HNF4G: variants seen among roughly 807,000 people sequenced by gnomAD.
HNF4G encodes hepatocyte nuclear factor 4-gamma.
HNF4G carries 21 observed loss-of-function variants against 50.9 expected under a neutral mutation model. The observed-to-expected ratio is 0.41, with a 90% CI of 0.29 to 0.59. HNF4G has a LOEUF of 0.59. Ranked by LOEUF, HNF4G falls within the 20% of genes least tolerant of loss-of-function variation. The pLI, the probability that HNF4G is intolerant of heterozygous loss-of-function variation, is 0.26. For synonymous variants in HNF4G, 198 were observed against 185.6 expected, an observed-to-expected ratio of 1.07 and a Z score of -0.54; for missense variants, 527 against 559.4, an observed-to-expected ratio of 0.94 and a Z score of 0.58.
intron 1 of HNF4G, among the ~76,000 whole-genome samples, chr8:75,475,085 T>G (rs1812211708): frequency 6.6e-6 from 1 of 150,798 alleles, no homozygotes; most frequent in African/African-American, 2.4e-5. Flanking sequence ...CTCGGCTCAG[T>G]GCCAACCTCT....
intron 1 of HNF4G, among the ~76,000 whole-genome samples, chr8:75,422,391 C>G (rs1179740847): frequency 6.6e-6 from 1 of 152,156 alleles, no homozygotes; most frequent in Admixed American, 6.5e-5. Flanking sequence ...AGTGCTTGTT[C>G]AGCTACTGTT....
intron 2 of HNF4G, among the ~76,000 whole-genome samples, chr8:75,516,635 C>G (rs1376597317): frequency 1.3e-5 from 2 of 152,054 alleles, no homozygotes; most frequent in Admixed American, 1.3e-4. Flanking sequence ...GTTTCTCGTT[C>G]TATCAGTTAC....
chr8:75,528,885 C>T (rs78577108), intron 2 of HNF4G, among the ~76,000 whole-genome samples: 2,393 of 152,208 alleles, frequency 0.016, 28 homozygotes, highest in Middle Eastern at 0.034. Flanking sequence ...TGACACAGTT[C>T]CGCGTGGCTG....
intron 1 of HNF4G, among the ~76,000 whole-genome samples, chr8:75,423,537 C>T (rs1285681676): frequency 6.6e-6 from 1 of 151,270 alleles, no homozygotes; most frequent in Non-Finnish European, 1.5e-5. Context: ...TACAGGCACC[C>T]GCCACTACGC....
chr8:75,539,379 A>C (rs1227950506), upstream of HNF4G, among the ~76,000 whole-genome samples: 1 of 152,202 alleles, frequency 6.6e-6, no homozygotes, highest in Non-Finnish European at 1.5e-5. Context: ...AGGATATGTC[A>C]TAACTCCCCA....
intron 2 of HNF4G, among the ~76,000 whole-genome samples, chr8:75,523,935 G>A (rs568478602): frequency 1.3e-5 from 2 of 151,768 alleles, no homozygotes; most frequent in African/African-American, 4.8e-5. Flanking sequence ...TTTACTAGAA[G>A]ACACCTTATA....
intron 2 of HNF4G, among the ~76,000 whole-genome samples, chr8:75,523,232 GA>G (rs931947246): frequency 1.3e-5 from 2 of 151,034 alleles, no homozygotes; most frequent in African/African-American, 4.9e-5. Context: ...TGAAAAAAAA[GA>G]AAAAAAAGAA....
intron 1 of HNF4G, among the ~76,000 whole-genome samples, chr8:75,474,604 G>A (rs1240990023): frequency 6.6e-6 from 1 of 151,998 alleles, no homozygotes; most frequent in Non-Finnish European, 1.5e-5. Context: ...TTTTCCTTTT[G>A]GTTGGAGTTT....
At chr8:75,529,122 T>TA (rs1273849282) in intron 2 of HNF4G, among the ~76,000 whole-genome samples, 1 of 135,962 alleles carries the variant, frequency 7.4e-6, no homozygotes, top group Non-Finnish European at 1.6e-5. Flanking sequence ...CCGTCTTTAC[T>TA]AAAAATACAA....
chr8:75,431,923 T>C (rs534964388), intron 1 of HNF4G, among the ~76,000 whole-genome samples: 8 of 147,312 alleles, frequency 5.4e-5, no homozygotes, highest in African/African-American at 1.5e-4. Flanking sequence ...TGAAACTCCA[T>C]CTCAAAAAAA....
At chr8:75,482,747 T>G (rs1233724798) in intron 1 of HNF4G, among the ~76,000 whole-genome samples, 1 of 152,204 alleles carries the variant, frequency 6.6e-6, no homozygotes, top group East Asian at 1.9e-4. Context: ...CAAGTTTATA[T>G]TCTTTTAAAT....
chr8:75,465,076 G>A (rs1035814031), intron 1 of HNF4G, among the ~76,000 whole-genome samples: 5 of 152,132 alleles, frequency 3.3e-5, no homozygotes, highest in Admixed American at 6.6e-5. Flanking sequence ...TATCCTAACT[G>A]GAACTCTTGT....
At chr8:75,464,237 C>CTTT (rs5892494) in intron 1 of HNF4G, among the ~76,000 whole-genome samples, 1 of 149,642 alleles carries the variant, frequency 6.7e-6, no homozygotes, top group African/African-American at 2.5e-5. Flanking sequence ...GATTCTCTCT[C>CTTT]TTTTTTTTTT....
intron 2 of HNF4G, among the ~76,000 whole-genome samples, chr8:75,504,253 AC>A (rs1204415853): frequency 8.0e-5 from 12 of 149,274 alleles, no homozygotes; most frequent in South Asian, 2.1e-4. Flanking sequence ...ACACACACAC[AC>A]ACACACACAC....
At chr8:75,463,633 C>T (rs1811903016) in intron 1 of HNF4G, among the ~76,000 whole-genome samples, 1 of 151,924 alleles carries the variant, frequency 6.6e-6, no homozygotes, top group Non-Finnish European at 1.5e-5. Flanking sequence ...CTTCACTTTC[C>T]AGATAAGGTA....
At chr8:75,448,427 A>T (rs1266196581) in intron 1 of HNF4G, among the ~76,000 whole-genome samples, 4 of 63,464 alleles carry the variant, frequency 6.3e-5, no homozygotes, top group East Asian at 7.7e-4. Context: ...CTTAAAGTAT[A>T]AAAAAAAAAA....
chr8:75,555,741 TTTC>T (rs1350366204), intron 5 of HNF4G, among the ~76,000 whole-genome samples: 2 of 152,014 alleles, frequency 1.3e-5, no homozygotes, highest in African/African-American at 4.8e-5. Flanking sequence ...TTTTTTTTTT[TTTC>T]TTTCTGCTGC....
intron 2 of HNF4G, among the ~76,000 whole-genome samples, chr8:75,544,614 T>C (rs1043098213): frequency 2.0e-5 from 3 of 150,478 alleles, no homozygotes; most frequent in African/African-American, 7.4e-5. Context: ...AACTATATTA[T>C]ATTTGTCACG....
chr8:75,497,959 T>C (rs1812821412), intron 2 of HNF4G, among the ~76,000 whole-genome samples: 1 of 152,060 alleles, frequency 6.6e-6, no homozygotes, highest in South Asian at 2.1e-4. Context: ...TACTGAAATT[T>C]TTAAAATAAA....
Sources: allele counts gnomAD v4.1 joint callset (sites outside exome capture counted in the v4.1 genomes callset), GRCh38; gene constraint gnomAD v4.1.1; transcripts MANE v1.5; gene names NCBI Gene and HGNC (gene_info 2026-07-23, HGNC 2026-07-21).